BHMT: variants seen among roughly 807,000 people sequenced by gnomAD.
The protein encoded by BHMT is betaine--homocysteine S-methyltransferase, also known as betaine--homocysteine S-methyltransferase 1.
A neutral mutation model predicts 49.5 loss-of-function variants in BHMT; 38 were observed. The observed-to-expected ratio is 0.77, with a 90% CI of 0.59 to 1.01. The LOEUF (loss-of-function observed/expected upper bound fraction) is 1.01. Among genes scored for constraint, BHMT ranks in the 50% least tolerant of loss-of-function variants. BHMT has a pLI of 0.00. For synonymous variants in BHMT, 166 were observed against 176.3 expected (o/e 0.94, Z 0.46); for missense variants, 426 against 495.7 (o/e 0.86, Z 1.34).
At chr5:79,122,305 C>A (rs1289082378) in intron 5 of BHMT, among the ~76,000 whole-genome samples, 1 of 152,118 alleles carries the variant, frequency 6.6e-6, no homozygotes, top group Non-Finnish European at 1.5e-5. Context: ...TATTCCTAGT[C>A]TCCAAGAAGG....
intron 5 of BHMT, among the ~76,000 whole-genome samples, chr5:79,121,672 G>A (rs1053802994): frequency 6.6e-6 from 1 of 151,468 alleles, no homozygotes; most frequent in East Asian, 2.0e-4. Flanking sequence ...AAAATTAGCC[G>A]GGACTGGTGG....
chr5:79,120,274 A>G, intron 3 of BHMT, 76 bp from the exon 4 acceptor site: 1 of 1,316,914 alleles, frequency 7.6e-7, no homozygotes, highest in South Asian at 1.6e-5. Context: ...TACAACTAAG[A>G]TGTGAATGTT....
chr5:79,117,462 G>C (rs1171566367), intron 2 of BHMT, among the ~76,000 whole-genome samples: 1 of 152,068 alleles, frequency 6.6e-6, no homozygotes, highest in Non-Finnish European at 1.5e-5. Context: ...CGCTAATTTA[G>C]GGATGCTTTT....
chr5:79,124,328 C>A (rs1297630068), intron 5 of BHMT, among the ~76,000 whole-genome samples: 1 of 152,058 alleles, frequency 6.6e-6, no homozygotes, highest in African/African-American at 2.4e-5. Flanking sequence ...GTGTGAGGAT[C>A]GCTTGAGGCC....
rs748945060 is a variant in BHMT, at chr5:79,116,710, A to ATGTACATAT, written c.166+812_166+820dup. Reference sequence around the variant, plus strand: ...TATAAGGCTAATCTCCAACTATGCCATGTACATATATAATCATGTATCAAT... The same window carrying ATGTACATAT: ...TATAAGGCTAATCTCCAACTATGCCATGTACATATTGTACATATATAATCATGTATCAAT... On this transcript the variant is annotated intron_variant, in intron 2 of 7. Transcript: ENST00000274353. 8.1e-4 allele frequency among the ~76,000 whole-genome samples: 124 copies of ATGTACATAT among 152,216 alleles called. 1 individual carries two copies. Among genetic ancestry groups the ATGTACATAT allele is most frequent in the Non-Finnish European group, 1.5e-3 (99 of 68,034 alleles).
intron 6 of BHMT, among the ~76,000 whole-genome samples, chr5:79,126,524 C>T (rs890199011): frequency 6.6e-6 from 1 of 151,956 alleles, no homozygotes; most frequent in Non-Finnish European, 1.5e-5. Flanking sequence ...GTGAGGATGC[C>T]CTTCATGGGA....
chr5:79,122,878 C>G (rs1417400879), intron 5 of BHMT, among the ~76,000 whole-genome samples: 1 of 151,864 alleles, frequency 6.6e-6, no homozygotes, highest in East Asian at 1.9e-4. Context: ...ATGGGAGAGA[C>G]CTGGATATAG....
At position 79,126,288 on chromosome 5, in the gene BHMT, A is replaced by G. The variant is rs1400645912; in HGVS notation, c.808+60A>G. 2.6e-6 allele frequency: 4 copies of G among 1,558,834 alleles called. No individual in the cohort carries two copies. The African/African-American group carries it at 5.4e-5, about 21-fold the overall frequency. On this transcript the variant is annotated intron_variant, in intron 6 of 7. Coordinates refer to ENST00000274353, the MANE Select transcript of BHMT (RefSeq NM_001713.3). ...TTCATTTGATATGCATATAAACTCAAGTAAATCTATACCCAGAGATCTTTT... is the reference window on the plus strand; with the variant it reads ...TTCATTTGATATGCATATAAACTCAGGTAAATCTATACCCAGAGATCTTTT...
Position 79,120,544 on chromosome 5 carries a change from A to G in BHMT, c.477+3A>G. On this transcript the variant is annotated splice_donor_region_variant and intron_variant, in intron 4 of 7. Transcript: ENST00000274353. ...ACGTGGACTTCTTGATTGCAGAGGTAAAGAAAGATGTGGTGAAAGATAAGA... is the reference window on the plus strand; with the variant it reads ...ACGTGGACTTCTTGATTGCAGAGGTGAAGAAAGATGTGGTGAAAGATAAGA... The G allele has an allele frequency of 6.2e-7, 1 of 1,604,798 alleles. No homozygotes were observed. The highest frequency in any genetic ancestry group is 8.5e-7 in the Non-Finnish European group (1 of 1,176,934).
intron 5 of BHMT, among the ~76,000 whole-genome samples, chr5:79,124,819 G>T (rs1756523578): frequency 6.6e-6 from 1 of 152,158 alleles, no homozygotes; most frequent in Admixed American, 6.5e-5. Context: ...TGATTGATAG[G>T]CTAGTAACCA....
rs564451282 is a variant in BHMT, at chr5:79,131,188, G to T, written c.*72G>T. 11 of 1,462,402 alleles carry T rather than the reference G, an allele frequency of 7.5e-6. No homozygotes were observed. The African/African-American group carries it at 1.6e-4, about 21-fold the overall frequency. 90.6% of individuals were successfully genotyped at this position (1,462,402 alleles called of 1,614,324 possible). On this transcript the variant is annotated 3_prime_UTR_variant, in exon 8 of 8. Transcript: ENST00000274353. ...AGTTCCTACAAATACGGAAAAGGGGGTTAAAAAGCAGTGCTTTCATGAATG... is the reference window on the plus strand; with the variant it reads ...AGTTCCTACAAATACGGAAAAGGGGTTTAAAAAGCAGTGCTTTCATGAATG...
chr5:79,128,196 A>T (rs953551800), intron 7 of BHMT: 12 of 673,118 alleles, frequency 1.8e-5, no homozygotes, highest in Admixed American at 3.5e-5. Context: ...TTGGATTTTG[A>T]AAAGAAAAAG....
At chr5:79,126,388 T>G in intron 6 of BHMT, 160 bp downstream of exon 6, 1 of 755,838 alleles carries the variant, frequency 1.3e-6, no homozygotes, top group East Asian at 2.8e-5. Flanking sequence ...AAAAGCCCCT[T>G]CGTATTAGAG....
Position 79,127,969 on chromosome 5 carries a change from C to G in BHMT, c.1023C>G (p.Pro341=). The change falls in exon 7 of 8, where the codon CCC becomes CCG. Residue 341 remains proline, a synonymous_variant. Coordinates refer to ENST00000274353, the MANE Select transcript of BHMT (RefSeq NM_001713.3). ...WGSGLDMHTK[P]WVRARARKEY... ...GTGGTTTGGACATGCACACCAAACC[C>G]TGGGTTAGAGCAAGGTAAGCATCTT... 1 of 1,612,930 alleles carries G rather than the reference C, an allele frequency of 6.2e-7. No individual in the cohort carries two copies. The highest frequency in any genetic ancestry group is 8.5e-7 in the Non-Finnish European group (1 of 1,179,494).
chr5:79,116,295 T>C (rs565084495), intron 2 of BHMT: 2 of 153,874 alleles, frequency 1.3e-5, no homozygotes, highest in South Asian at 2.1e-4. Flanking sequence ...GACTTTTTCA[T>C]GTTCTGGGCA....
At chr5:79,129,435 T>G (rs746250760) in intron 7 of BHMT, among the ~76,000 whole-genome samples, 3 of 152,124 alleles carry the variant, frequency 2.0e-5, no homozygotes, top group Non-Finnish European at 2.9e-5. Context: ...AATGACACAT[T>G]GAGAAACTGG....
chr5:79,121,772 G>T (rs1486657074), intron 5 of BHMT, among the ~76,000 whole-genome samples: 1 of 142,796 alleles, frequency 7.0e-6, no homozygotes, highest in African/African-American at 2.6e-5. Flanking sequence ...CCGAGATTGC[G>T]CCACTGCACT....
intron 4 of BHMT, 71 bp downstream of exon 4, chr5:79,120,612 G>A: frequency 1.4e-6 from 2 of 1,421,596 alleles, no homozygotes; most frequent in Non-Finnish European, 1.9e-6. Flanking sequence ...GCTTTCAAGA[G>A]TACTGTGTGG....
chr5:79,113,581 A>G (rs1756339656), intron 1 of BHMT, among the ~76,000 whole-genome samples: 1 of 152,254 alleles, frequency 6.6e-6, no homozygotes, highest in Non-Finnish European at 1.5e-5. Flanking sequence ...AATGAGGGAA[A>G]GCACAAAGAA....
Sources: gnomAD v4.1 joint callset for allele counts (sites outside exome capture counted in the v4.1 genomes callset) on GRCh38, gnomAD v4.1.1 for gene constraint, MANE v1.5 for transcripts, NCBI Gene and HGNC (gene_info 2026-07-23, HGNC 2026-07-21) for gene names.